Variants in RAPGEF2 observed in about 807,000 individuals in gnomAD.
RAPGEF2 encodes Rap guanine nucleotide exchange factor 2, also known as PDZ domain containing guanine nucleotide exchange factor (GEF) 1.
RAPGEF2 carries 54 observed loss-of-function variants against 186.7 expected under a neutral mutation model. The observed-to-expected ratio is 0.29, with a 90% confidence interval of 0.23 to 0.36. The LOEUF (loss-of-function observed/expected upper bound fraction) is 0.36. Among genes scored for constraint, RAPGEF2 ranks in the 10% least tolerant of loss-of-function variants. The pLI is 1.00. For synonymous variants in RAPGEF2, 712 were observed against 705.9 expected, an observed-to-expected ratio of 1.01 and a Z score of -0.14; for missense variants, 1,532 against 2,045.0, an observed-to-expected ratio of 0.75 and a Z score of 4.84.
intron 4 of RAPGEF2, among the ~76,000 whole-genome samples, chr4:159,214,027 A>G (rs1325153294): frequency 6.6e-6 from 1 of 152,222 alleles, no homozygotes; most frequent in Non-Finnish European, 1.5e-5. Context: ...AGCAAGGTAC[A>G]ATTTATAGTT....
intron 5 of RAPGEF2, among the ~76,000 whole-genome samples, chr4:159,240,740 A>G (rs1160758906): frequency 2.0e-5 from 3 of 152,054 alleles, no homozygotes; most frequent in African/African-American, 7.2e-5. Context: ...TAACCTACCA[A>G]AGCCATTCTG....
chr4:159,350,068 T>G, intron 25 of RAPGEF2, 69 bp from the exon 26 acceptor site: 1 of 1,152,072 alleles, frequency 8.7e-7, no homozygotes, highest in Non-Finnish European at 1.2e-6. Context: ...AAAAAGTTTT[T>G]TATTCATAAA....
rs556512003 is a variant in RAPGEF2, at chr4:159,315,576, C to T, written c.853+808C>T. On this transcript the variant is annotated intron_variant, in intron 9 of 29. Transcript: ENST00000691494. ...AAGTTGCGGAAACCGGTAGTGGCCC[C>T]GAATGCCAGGCTGCACTGGTATTTA... Among the ~76,000 whole-genome samples the T allele has an allele frequency of 1.3e-4, 20 of 152,118 alleles. No homozygotes were observed. The South Asian group carries it at 1.7e-3, about 13-fold the overall frequency.
At chr4:159,245,778 C>T (rs1263070001) in intron 7 of RAPGEF2, among the ~76,000 whole-genome samples, 2 of 151,982 alleles carry the variant, frequency 1.3e-5, no homozygotes, top group Non-Finnish European at 2.9e-5. Flanking sequence ...GGAAAAAACC[C>T]AGCTCTTCCA....
intron 1 of RAPGEF2, among the ~76,000 whole-genome samples, chr4:159,120,517 C>G (rs1262933668): frequency 6.6e-6 from 1 of 152,106 alleles, no homozygotes; most frequent in Non-Finnish European, 1.5e-5. Context: ...TATCTTAGGA[C>G]ATGATGTGTT....
chr4:159,297,899 T>G (rs1762211938), intron 7 of RAPGEF2, among the ~76,000 whole-genome samples: 1 of 152,196 alleles, frequency 6.6e-6, no homozygotes, highest in African/African-American at 2.4e-5. Context: ...TAGAAGAAAC[T>G]GAGGTACACA....
intron 3 of RAPGEF2, among the ~76,000 whole-genome samples, chr4:159,206,055 G>C (rs1000748630): frequency 6.6e-6 from 1 of 151,808 alleles, no homozygotes; most frequent in Non-Finnish European, 1.5e-5. Flanking sequence ...TCAGCCTCCC[G>C]AGTAGCTGGG....
intron 7 of RAPGEF2, among the ~76,000 whole-genome samples, chr4:159,278,607 A>C (rs986312121): frequency 3.3e-5 from 5 of 152,204 alleles, no homozygotes; most frequent in Admixed American, 6.5e-5. Context: ...TAATCTGGCC[A>C]GTTGTGACCT....
chr4:159,302,336 T>TC (rs201711644), intron 7 of RAPGEF2, among the ~76,000 whole-genome samples: 2 of 89,754 alleles, frequency 2.2e-5, no homozygotes, highest in African/African-American at 1.2e-4. Context: ...TTTGACACGT[T>TC]AATTTTTTTA....
rs1344963882 is a variant in RAPGEF2, at chr4:159,131,107, A to T, written c.69+26876A>T. Among the ~76,000 whole-genome samples, 1,370 of 142,224 alleles carry T rather than the reference A, an allele frequency of 9.6e-3. 21 individuals are homozygous for T. The highest frequency in any genetic ancestry group is 0.034 in the African/African-American group (1,233 of 36,730). 93.3% of individuals were successfully genotyped at this position (142,224 alleles called of 152,430 possible). ...TTGTGTGTGTGTGTGTGAGAGAGAGAGAGAGAGAGAGAGAGAGAGAGAGAC... is the reference window on the plus strand; with the variant it reads ...TTGTGTGTGTGTGTGTGAGAGAGAGTGAGAGAGAGAGAGAGAGAGAGAGAC... On this transcript the variant is annotated intron_variant, in intron 1 of 29. Transcript: ENST00000691494.
At chr4:159,236,764 T>G (rs894772130) in intron 4 of RAPGEF2, among the ~76,000 whole-genome samples, 3 of 152,170 alleles carry the variant, frequency 2.0e-5, no homozygotes, top group Non-Finnish European at 4.4e-5. Flanking sequence ...CTCAAACTTT[T>G]GTGTATATTG....
chr4:159,103,512 A>G lies in RAPGEF2; in HGVS notation c.-651A>G. The G allele has an allele frequency of 6.5e-6, 1 of 153,632 alleles. No homozygotes were observed. The highest frequency in any genetic ancestry group is 1.5e-5 in the Non-Finnish European group (1 of 68,528). 9.5% of individuals were successfully genotyped at this position (153,632 alleles called of 1,614,324 possible). Reference sequence around the variant, plus strand: ...AGGGACGGCCGAGCCCAGTAGACAGAGACCAGGAGCGGCGGCCGAGGCGAT... The same window carrying G: ...AGGGACGGCCGAGCCCAGTAGACAGGGACCAGGAGCGGCGGCCGAGGCGAT... On this transcript the variant is annotated 5_prime_UTR_variant, in exon 1 of 30. Transcript: ENST00000691494.
chr4:159,186,427 T>G (rs1481457195), intron 1 of RAPGEF2, among the ~76,000 whole-genome samples: 2 of 152,054 alleles, frequency 1.3e-5, no homozygotes, highest in African/African-American at 4.8e-5. Context: ...TATTTTATAT[T>G]TTAGTAGGTT....
intron 1 of RAPGEF2, among the ~76,000 whole-genome samples, chr4:159,165,526 A>G (rs1296686302): frequency 6.6e-6 from 1 of 152,346 alleles, no homozygotes; most frequent in South Asian, 2.1e-4. Flanking sequence ...TCAGGTTATC[A>G]TTAGTGAATA....
At chr4:159,342,844 T>C (rs1729750688) in intron 20 of RAPGEF2, 135 bp from the exon 21 acceptor site, 1 of 841,272 alleles carries the variant, frequency 1.2e-6, no homozygotes. Context: ...AGAATTATCA[T>C]GAACAGTTTC....
chr4:159,163,890 A>C (rs558116979), intron 1 of RAPGEF2, among the ~76,000 whole-genome samples: 1 of 152,136 alleles, frequency 6.6e-6, no homozygotes, highest in Non-Finnish European at 1.5e-5. Flanking sequence ...TAGTACATGG[A>C]TAAAATGAGC....
intron 11 of RAPGEF2, chr4:159,327,149 TTTCA>T (rs1766035268): frequency 6.6e-6 from 1 of 152,242 alleles, no homozygotes; most frequent in Admixed American, 6.5e-5. Flanking sequence ...TTTAATTTTA[TTTCA>T]TTCATCATCT....
Position 159,268,303 on chromosome 4 carries a change from A to G in RAPGEF2, c.543+24512A>G, listed in dbSNP as rs1444026571. ...GAATTGTTGCTCTTTCTCTTCAGGG[A>G]AAACAGTTTTTGTAGAAGGTATAGT... On this transcript the variant is annotated intron_variant, in intron 7 of 29. Transcript: ENST00000691494. The G allele has an allele frequency of 7.6e-5, 89 of 1,174,302 alleles. 4 individuals carry two copies. In the South Asian group the frequency reaches 1.0e-3, roughly 14 times the overall value. The allele number at this position is 1,174,302 out of a possible 1,614,324, so 72.7% of individuals were successfully genotyped here.
At chr4:159,152,898 G>A (rs1364013171) in intron 1 of RAPGEF2, among the ~76,000 whole-genome samples, 1 of 152,212 alleles carries the variant, frequency 6.6e-6, no homozygotes, top group Non-Finnish European at 1.5e-5. Flanking sequence ...TTACAGGCGT[G>A]AGCCACCGTG....
Sources: gnomAD v4.1 joint callset for allele counts (sites outside exome capture counted in the v4.1 genomes callset) on GRCh38, gnomAD v4.1.1 for gene constraint, MANE v1.5 for transcripts, NCBI Gene and HGNC (gene_info 2026-07-23, HGNC 2026-07-21) for gene names.